The following CREBBP variants were observed in gnomAD, a reference collection of about 807,000 sequenced individuals.
The protein encoded by CREBBP is CREB-binding protein.
CREBBP carries 19 observed loss-of-function variants against 265.0 expected under a neutral mutation model. That is an observed-to-expected ratio of 0.07 (90% confidence interval 0.05 to 0.11). The LOEUF (loss-of-function observed/expected upper bound fraction) is 0.11. Among genes scored for constraint, CREBBP ranks in the 10% least tolerant of loss-of-function variants. The pLI is 1.00. For synonymous variants in CREBBP, 1,457 were observed against 1,223.7 expected (o/e 1.19, Z -3.98); for missense variants, 2,525 against 3,219.0 (o/e 0.78, Z 5.22).
chr16:3,854,159 C>A (rs1052011255), intron 1 of CREBBP, among the ~76,000 whole-genome samples: 1 of 152,230 alleles, frequency 6.6e-6, no homozygotes, highest in South Asian at 2.1e-4. Context: ...ACCAGATAAG[C>A]CCACCACCAC....
In CREBBP at chr16:3,729,008, C is replaced by T. The variant is rs369523607; in HGVS notation, c.6039G>A (p.Met2013Ile). ...PRPNQVSGPV[M>I]PSMPPGQWQQ... ...GCCACTGCCCGGGAGGCATGCTGGG[C>T]ATGACGGGCCCGCTCACCTGGTTGG... The change falls in exon 31 of 31, where the codon ATG (methionine) becomes ATA (isoleucine). Residue 2013 changes from methionine to isoleucine, a missense_variant. By Grantham distance (10) the Met-to-Ile change is conservative (BLOSUM62 1). Coordinates refer to ENST00000262367, the MANE Select transcript of CREBBP (RefSeq NM_004380.3). 2.5e-6 allele frequency: 4 copies of T among 1,592,764 alleles called. No homozygotes were observed. The African/African-American group carries it at 4.0e-5, about 16-fold the overall frequency.
Position 3,726,098 on chromosome 16 carries a change from T to A in CREBBP, c.*1620A>T, listed in dbSNP as rs1008269756. The stretch of plus-strand genomic sequence containing the variant: ...TCACTGTAACAGGGACCGGAGCTGG[T>A]GCTCCAAGGTGTCTGTCCCTCAGCA... On this transcript the variant is annotated 3_prime_UTR_variant, in exon 31 of 31. Transcript: ENST00000262367. 2 of 233,194 alleles carry A rather than the reference T, an allele frequency of 8.6e-6. No homozygotes were observed. Among genetic ancestry groups the A allele is most frequent in the African/African-American group, 4.4e-5 (2 of 45,332 alleles). 14.4% of individuals were successfully genotyped at this position (233,194 alleles called of 1,614,324 possible).
At position 3,768,640 on chromosome 16, in the gene CREBBP, C is replaced by T. The variant is rs189586002; in HGVS notation, c.3060+534G>A. On this transcript the variant is annotated intron_variant, in intron 15 of 30. Coordinates refer to ENST00000262367, the MANE Select transcript of CREBBP (RefSeq NM_004380.3). ...CTGTGGCTAATTGGAGAGCCCACTA[C>T]AGTTGGTGCTCACAACCAGACTGCT... Among the ~76,000 whole-genome samples, 676 of 152,310 alleles carry T rather than the reference C, an allele frequency of 4.4e-3. 6 individuals carry two copies. Among genetic ancestry groups the T allele is most frequent in the African/African-American group, 0.015 (618 of 41,568 alleles).
chr16:3,879,988 G>A lies in CREBBP; in HGVS notation c.-72C>T, dbSNP rs770432860. ...GCGAGGGCCCGGACGGGGGTCGGGG[G>A]CCCTGCCGGCTGCGAGGGAGAGGAG... On this transcript the variant is annotated 5_prime_UTR_variant, in exon 1 of 31. Transcript: ENST00000262367. 3.4e-6 allele frequency: 5 copies of A among 1,453,670 alleles called. No individual in the cohort carries two copies. The highest frequency in any genetic ancestry group is 4.7e-6 in the Non-Finnish European group (5 of 1,069,042). 90.0% of individuals were successfully genotyped at this position (1,453,670 alleles called of 1,614,324 possible).
In CREBBP at chr16:3,744,704, T is replaced by G. The variant is rs129972; in HGVS notation, c.3982+190A>C. On this transcript the variant is annotated intron_variant, in intron 23 of 30. Transcript: ENST00000262367. ...GAAGAACATTCTTGCATTCTTACCC[T>G]CATGACTGGCCTGGCTCTCCTTAAG... is the stretch of plus-strand genomic sequence containing the variant. Among the ~76,000 whole-genome samples the G allele has an allele frequency of 8.7e-3, 1,332 of 152,246 alleles. 15 individuals carry two copies. The highest frequency in any genetic ancestry group is 0.075 in the Middle Eastern group (22 of 294).
intron 2 of CREBBP, among the ~76,000 whole-genome samples, chr16:3,814,579 T>C (rs1244255644): frequency 6.6e-6 from 1 of 152,072 alleles, no homozygotes; most frequent in Non-Finnish European, 1.5e-5. Flanking sequence ...TTTCAAAGGG[T>C]AACCCAGTGT....
chr16:3,732,525 G>T (rs1295207291), intron 28 of CREBBP, among the ~76,000 whole-genome samples: 1 of 152,204 alleles, frequency 6.6e-6, no homozygotes, highest in Non-Finnish European at 1.5e-5. Flanking sequence ...CCTCTGGAAA[G>T]AACGCAGGAT....
At chr16:3,840,608 G>A in intron 2 of CREBBP, 1 of 173,750 alleles carries the variant, frequency 5.8e-6, no homozygotes, top group Admixed American at 6.4e-5. Context: ...GGACGATTCA[G>A]GGGCCTCTCA....
chr16:3,793,312 A>G (rs1443338634), intron 4 of CREBBP, 74 bp downstream of exon 4: 5 of 1,601,900 alleles, frequency 3.1e-6, no homozygotes, highest in Non-Finnish European at 4.3e-6. Context: ...TATGAACCAG[A>G]GAGCTGCTGT....
chr16:3,742,120 C>G (rs990196841), intron 23 of CREBBP: 7 of 152,088 alleles, frequency 4.6e-5, no homozygotes, highest in African/African-American at 1.7e-4. Flanking sequence ...AAAAAACCCC[C>G]CAAAAAAACA....
intron 28 of CREBBP, among the ~76,000 whole-genome samples, chr16:3,733,422 C>T (rs115183187): frequency 0.012 from 1,793 of 150,990 alleles, 33 homozygotes; most frequent in African/African-American, 0.042. Context: ...CCAAATATCA[C>T]GTGGGTCCTC....
At chr16:3,751,938 T>A in intron 19 of CREBBP, 132 bp from the exon 20 acceptor site, 4 of 801,784 alleles carry the variant, frequency 5.0e-6, no homozygotes, top group Non-Finnish European at 6.4e-6. Flanking sequence ...GATTGATGGG[T>A]CAGTGAGGAC....
In CREBBP at chr16:3,776,603, C is replaced by A. The variant is rs372443123; in HGVS notation, c.2158+1010G>T. 2.6e-5 allele frequency among the ~76,000 whole-genome samples: 4 copies of A among 152,264 alleles called. No homozygotes were observed. In the East Asian group the frequency reaches 5.8e-4, roughly 22 times the overall value. The stretch of plus-strand genomic sequence containing the variant: ...CAAGTGCTCAGCAGTCTAGGACTGT[C>A]TTGCATGCTTCTCCTTCTCAGCATT... On this transcript the variant is annotated intron_variant, in intron 11 of 30. Transcript: ENST00000262367.
Position 3,729,120 on chromosome 16 carries a change from T to C in CREBBP, c.5927A>G (p.Asn1976Ser), listed in dbSNP as rs1163626684. ...TCCTGGGGGCATGCTGTTGTTGATG[T>C]TCACCCGGTACAGGTGCTGCTGCTG... The part of the protein sequence containing the change: ...AQQQQHLYRV[N>S]INNSMPPGRT... The change falls in exon 31 of 31, where the codon AAC (asparagine) becomes AGC (serine). Residue 1976 changes from asparagine (N) to serine (S), a missense_variant. Coordinates refer to ENST00000262367, the MANE Select transcript of CREBBP (RefSeq NM_004380.3). 6.3e-7 allele frequency: 1 copy of C among 1,578,832 alleles called. No individual in the cohort carries two copies. The highest frequency in any genetic ancestry group is 1.8e-5 in the Admixed American group (1 of 56,954).
chr16:3,852,054 A>C (rs1302511306), intron 1 of CREBBP, among the ~76,000 whole-genome samples: 1 of 138,020 alleles, frequency 7.2e-6, no homozygotes, highest in South Asian at 2.3e-4. Flanking sequence ...AAAAAAAAAA[A>C]AAAAAAAAAA....
intron 21 of CREBBP, among the ~76,000 whole-genome samples, chr16:3,747,094 C>A (rs1445831608): frequency 6.6e-6 from 1 of 152,120 alleles, no homozygotes; most frequent in African/African-American, 2.4e-5. Context: ...GCAAGCCCCC[C>A]TGCCTGGCTC....
At chr16:3,861,647 T>C (rs1293145344) in intron 1 of CREBBP, among the ~76,000 whole-genome samples, 1 of 100,054 alleles carries the variant, frequency 1.0e-5, no homozygotes, top group African/African-American at 4.4e-5. Context: ...AACAACTCTC[T>C]ATACCAAAAA....
At chr16:3,875,397 T>G (rs1397481707) in intron 1 of CREBBP, among the ~76,000 whole-genome samples, 1 of 152,178 alleles carries the variant, frequency 6.6e-6, no homozygotes, top group Admixed American at 6.5e-5. Context: ...CAGAACTCAC[T>G]GATGGGGTAA....
rs1160251196 is a variant in CREBBP at position 3,851,306 on chromosome 16, TAAA to T, written c.86-300_86-298del. Among the ~76,000 whole-genome samples, 449 of 76,500 alleles carry T rather than the reference TAAA, an allele frequency of 5.9e-3. 5 individuals are homozygous for T. Among genetic ancestry groups the T allele is most frequent in the African/African-American group, 0.018 (408 of 23,292 alleles). The allele number at this position is 76,500 out of a possible 152,430, so 50.2% of individuals were successfully genotyped here. The stretch of plus-strand genomic sequence containing the variant: ...ACCGTCTCAAAAAAAAAAAAAAAAT[TAAA>T]AAAAAAAAAAAAAAAAGAGTAATGT... On this transcript the variant is annotated intron_variant, in intron 1 of 30. Transcript: ENST00000262367.
Sources: allele counts gnomAD v4.1 joint callset (sites outside exome capture counted in the v4.1 genomes callset), GRCh38; gene constraint gnomAD v4.1.1; transcripts MANE v1.5; gene names NCBI Gene and HGNC (gene_info 2026-07-23, HGNC 2026-07-21).